Variants in SMARCA1 observed in about 807,000 individuals in gnomAD.
The protein encoded by SMARCA1 is SWI/SNF-related matrix-associated actin-dependent regulator of chromatin subfamily A member 1.
A neutral mutation model predicts 93.6 loss-of-function variants in SMARCA1; 17 were observed. The ratio of observed to expected loss-of-function variants is 0.18; its 90% CI spans 0.12 to 0.27. The LOEUF is 0.27. Ranked by LOEUF, SMARCA1 falls within the 10% of genes least tolerant of loss-of-function variation. The pLI, the probability that SMARCA1 is intolerant of heterozygous loss-of-function variation, is 1.00. For missense variants in SMARCA1, 630 were observed against 819.0 expected, an observed-to-expected ratio of 0.77 and a Z score of 2.82; for synonymous variants, 271 against 271.4, an observed-to-expected ratio of 1.00 and a Z score of 0.01.
At chrX:129,491,668 A>T (rs1211182687) in intron 14 of SMARCA1, among the ~76,000 whole-genome samples, 1 of 111,557 alleles carries the variant, frequency 9.0e-6, no homozygotes, top group East Asian at 2.8e-4. Context: ...AATCTGTAGG[A>T]ATGGGAAAAA....
intron 20 of SMARCA1, 65 bp from the exon 21 acceptor site, chrX:129,468,970 T>A: frequency 1.4e-6 from 1 of 732,754 alleles, no homozygotes; most frequent in Non-Finnish European, 2.0e-6. Context: ...ATTGCCCTAT[T>A]TACTTCTATA....
chrX:129,458,953 T>A (rs1490115362), intron 23 of SMARCA1, among the ~76,000 whole-genome samples: 1 of 111,453 alleles, frequency 9.0e-6, no homozygotes, highest in Admixed American at 9.5e-5. Context: ...AGGTTCCTAG[T>A]CACTTTTGAA....
At chrX:129,523,070 C>A in intron 1 of SMARCA1, 127 bp downstream of exon 1, 1 of 766,744 alleles carries the variant, frequency 1.3e-6, no homozygotes. Context: ...CCGACCCCCG[C>A]ACCCGCCGCC....
At chrX:129,505,217 C>A (rs1026183981) in intron 8 of SMARCA1, among the ~76,000 whole-genome samples, 1 of 111,840 alleles carries the variant, frequency 8.9e-6, no homozygotes, top group African/African-American at 3.2e-5. Flanking sequence ...TATCAATTAA[C>A]AGTCATAATG....
chrX:129,484,410 G>C (rs764422340), intron 17 of SMARCA1, among the ~76,000 whole-genome samples: 3 of 111,570 alleles, frequency 2.7e-5, no homozygotes, highest in East Asian at 5.6e-4. Flanking sequence ...ATTAGAGATA[G>C]GACAACCTGA....
chrX:129,469,815 G>A (rs1030278339), intron 20 of SMARCA1, among the ~76,000 whole-genome samples: 15 of 111,877 alleles, frequency 1.3e-4, no homozygotes, highest in Admixed American at 4.8e-4. Flanking sequence ...ATGTTATACC[G>A]TACATTCACA....
At chrX:129,451,609 A>G (rs1482675253) in intron 23 of SMARCA1, among the ~76,000 whole-genome samples, 2 of 111,027 alleles carry the variant, frequency 1.8e-5, no homozygotes, top group Admixed American at 9.6e-5. Flanking sequence ...ATAATCTAAG[A>G]CGCTACAGAA....
chrX:129,511,962 T>G lies in SMARCA1; in HGVS notation c.652A>C (p.Thr218Pro). Residue 218 changes from threonine to proline, a missense_variant, in exon 6 of 25, where the codon ACA (threonine) becomes CCA (proline). Coordinates refer to ENST00000371121, the MANE Select transcript of SMARCA1 (RefSeq NM_001282874.2). ...TTCAGGTAACCAAGCAAAGCAATTG[T>G]TTGTAAAGTTTTCCCAAGGCCCTGC... The part of the protein sequence containing the change: ...DEMGLGKTLQ[T>P]IALLGYLKHY... 8.3e-7 allele frequency: 1 copy of G among 1,201,139 alleles called. No homozygotes were observed. Among genetic ancestry groups the G allele is most frequent in the Non-Finnish European group, 1.1e-6 (1 of 890,733 alleles).
intron 13 of SMARCA1, 26 bp from the exon 14 acceptor site, chrX:129,492,119 A>C: frequency 1.0e-6 from 1 of 964,733 alleles, no homozygotes; most frequent in Non-Finnish European, 1.4e-6. Context: ...ATAAAGGGAT[A>C]GAAGAAAAAG....
At chrX:129,462,997 TATAA>T (rs1187973712) in intron 23 of SMARCA1, among the ~76,000 whole-genome samples, 2 of 111,567 alleles carry the variant, frequency 1.8e-5, no homozygotes, top group Non-Finnish European at 1.9e-5. Context: ...GTGTTCATAT[TATAA>T]ATAGTGTTAA....
chrX:129,494,651 T>C (rs753725671), intron 12 of SMARCA1, among the ~76,000 whole-genome samples: 7 of 111,310 alleles, frequency 6.3e-5, no homozygotes, highest in African/African-American at 1.6e-4. Context: ...GAGAAAGGCC[T>C]GGGTGCAATT....
intron 6 of SMARCA1, among the ~76,000 whole-genome samples, chrX:129,511,230 T>C (rs1389391521): frequency 4.5e-5 from 5 of 111,579 alleles, no homozygotes; most frequent in African/African-American, 1.6e-4. Context: ...CAGTTTCTAA[T>C]ATTACCTGAG....
chrX:129,499,151 C>T (rs1229087707), intron 10 of SMARCA1, among the ~76,000 whole-genome samples: 6 of 111,204 alleles, frequency 5.4e-5, no homozygotes, highest in African/African-American at 2.0e-4. Flanking sequence ...AATCCTCCTG[C>T]CTCAGCCTCT....
intron 23 of SMARCA1, among the ~76,000 whole-genome samples, chrX:129,462,721 G>A (rs970331297): frequency 1.8e-5 from 2 of 111,071 alleles, no homozygotes; most frequent in Non-Finnish European, 3.8e-5. Context: ...TTTCTAGAAG[G>A]TAATTGAAGA....
intron 9 of SMARCA1, among the ~76,000 whole-genome samples, chrX:129,501,908 C>T (rs980329728): frequency 8.9e-6 from 1 of 111,922 alleles, no homozygotes; most frequent in Non-Finnish European, 1.9e-5. Context: ...CCACCCTGCC[C>T]GGCCAAACAT....
chrX:129,523,131 T>C (rs990417785), intron 1 of SMARCA1, 66 bp downstream of exon 1: 21 of 1,126,419 alleles, frequency 1.9e-5, no homozygotes, highest in Non-Finnish European at 2.3e-5. Flanking sequence ...AAGGTCAGGG[T>C]TTGGGCCCCT....
chrX:129,477,638 A>G (rs1933446782), intron 19 of SMARCA1, among the ~76,000 whole-genome samples: 1 of 111,441 alleles, frequency 9.0e-6, no homozygotes, highest in African/African-American at 3.3e-5. Flanking sequence ...AAATGACTCA[A>G]CCTCTCTATG....
intron 10 of SMARCA1, 128 bp downstream of exon 10, chrX:129,499,604 A>G: frequency 2.7e-6 from 1 of 367,578 alleles, no homozygotes; most frequent in Non-Finnish European, 4.9e-6. Flanking sequence ...AAATATCTGA[A>G]CTACTTAACT....
At chrX:129,466,664 CAAAT>C (rs1413115165) in intron 21 of SMARCA1, among the ~76,000 whole-genome samples, 1 of 110,531 alleles carries the variant, frequency 9.0e-6, no homozygotes, top group Non-Finnish European at 1.9e-5. Context: ...CAAAAACAAA[CAAAT>C]AAACAAAAAA....
Sources: allele counts gnomAD v4.1 joint callset (sites outside exome capture counted in the v4.1 genomes callset), GRCh38; gene constraint gnomAD v4.1.1; transcripts MANE v1.5; gene names NCBI Gene and HGNC (gene_info 2026-07-23, HGNC 2026-07-21).